The following RAD51B variants were observed in gnomAD, a reference collection of about 807,000 sequenced individuals.
RAD51B encodes RAD51 paralog B, also known as DNA repair protein RAD51 homolog 2.
In RAD51B, 38 loss-of-function variants were observed where a neutral mutation model predicts 42.2. That is an observed-to-expected ratio of 0.90 (90% CI 0.70 to 1.18). The LOEUF (loss-of-function observed/expected upper bound fraction) is 1.18, where lower values mean the gene tolerates loss of function less well. Ranked by LOEUF, RAD51B falls within the 50% of genes most tolerant of loss-of-function variation. RAD51B has a pLI of 0.00. For synonymous variants in RAD51B, 154 were observed against 145.2 expected, an observed-to-expected ratio of 1.06 and a Z score of -0.43; for missense variants, 373 against 400.7, an observed-to-expected ratio of 0.93 and a Z score of 0.59.
chr14:68,444,462 G>A (rs2085375988), intron 9 of RAD51B, among the ~76,000 whole-genome samples: 1 of 142,386 alleles, frequency 7.0e-6, no homozygotes. Context: ...GTGTGTGTGT[G>A]TGTGTGTGTT....
At chr14:68,284,685 C>T (rs1201202721) in intron 7 of RAD51B, among the ~76,000 whole-genome samples, 1 of 152,084 alleles carries the variant, frequency 6.6e-6, no homozygotes, top group Admixed American at 6.5e-5. Context: ...ATATTGAAAC[C>T]TTATCAGCTT....
At chr14:68,678,221 A>G (rs1213850546) in intron 11 of RAD51B, among the ~76,000 whole-genome samples, 1 of 152,134 alleles carries the variant, frequency 6.6e-6, no homozygotes, top group Non-Finnish European at 1.5e-5. Flanking sequence ...CGGCTGGTCC[A>G]TGGCCCATCC....
intron 7 of RAD51B, among the ~76,000 whole-genome samples, chr14:68,241,372 C>T (rs1249001145): frequency 6.6e-6 from 1 of 152,126 alleles, no homozygotes; most frequent in Admixed American, 6.5e-5. Context: ...GGAACACCAT[C>T]TCTACTAAAA....
At chr14:67,865,242 T>TC in intron 5 of RAD51B, 103 bp downstream of exon 5, 1 of 266,500 alleles carries the variant, frequency 3.8e-6, no homozygotes, top group Non-Finnish European at 5.8e-6. Flanking sequence ...CCCCCTTGCC[T>TC]TTTTTTTTTT....
At chr14:68,594,680 C>T in exon 11 of RAD51B, 1 of 1,279,090 alleles carries the variant, frequency 7.8e-7, no homozygotes, top group South Asian at 1.4e-5. Flanking sequence ...CCACCCACCT[C>T]AGCCTCCCAA....
chr14:68,265,621 A>G (rs2080975806), intron 7 of RAD51B, among the ~76,000 whole-genome samples: 1 of 152,040 alleles, frequency 6.6e-6, no homozygotes, highest in Non-Finnish European at 1.5e-5. Context: ...GCGTGGTGGC[A>G]TGTGCCTGTA....
intron 7 of RAD51B, among the ~76,000 whole-genome samples, chr14:67,926,276 C>G (rs572837930): frequency 1.2e-4 from 18 of 152,304 alleles, no homozygotes; most frequent in African/African-American, 3.6e-4. Flanking sequence ...GAATACTTTG[C>G]TGCTTAGAAA....
At chr14:68,557,154 T>C (rs571811835) in intron 10 of RAD51B, among the ~76,000 whole-genome samples, 1 of 152,300 alleles carries the variant, frequency 6.6e-6, no homozygotes, top group East Asian at 1.9e-4. Context: ...TGTACATGGG[T>C]TAGCTGTTGC....
At chr14:68,077,477 A>G (rs2076851784) in intron 7 of RAD51B, among the ~76,000 whole-genome samples, 1 of 152,220 alleles carries the variant, frequency 6.6e-6, no homozygotes, top group African/African-American at 2.4e-5. Context: ...AACTTTTGAA[A>G]AAGTTTCAAG....
At chr14:68,210,816 G>A (rs1192090651) in intron 7 of RAD51B, among the ~76,000 whole-genome samples, 3 of 152,116 alleles carry the variant, frequency 2.0e-5, no homozygotes, top group Non-Finnish European at 4.4e-5. Flanking sequence ...CTCCCCAGCT[G>A]TTCACGATAT....
chr14:68,611,357 A>G, exon 11 of RAD51B: 1 of 652,076 alleles, frequency 1.5e-6, no homozygotes, highest in Non-Finnish European at 2.8e-6. Flanking sequence ...CCCTTTCAGC[A>G]AAGGATGTCA....
intron 7 of RAD51B, among the ~76,000 whole-genome samples, chr14:68,246,497 G>A (rs2080502810): frequency 6.6e-6 from 1 of 152,140 alleles, no homozygotes; most frequent in Admixed American, 6.6e-5. Context: ...TTAAGAAAAG[G>A]GGGCTTCCAT....
intron 7 of RAD51B, among the ~76,000 whole-genome samples, chr14:68,240,161 T>A (rs1566751718): frequency 6.6e-6 from 1 of 152,158 alleles, no homozygotes; most frequent in Non-Finnish European, 1.5e-5. Flanking sequence ...CTGCCTTGGA[T>A]CTCTAGTTTT....
intron 7 of RAD51B, among the ~76,000 whole-genome samples, chr14:67,982,202 T>C (rs748474821): frequency 5.9e-5 from 9 of 152,168 alleles, no homozygotes; most frequent in Non-Finnish European, 1.0e-4. Context: ...CCCAAAGTGC[T>C]GCGATTACAG....
intron 7 of RAD51B, among the ~76,000 whole-genome samples, chr14:67,893,754 G>C (rs1566945685): frequency 6.6e-6 from 1 of 152,130 alleles, no homozygotes; most frequent in Non-Finnish European, 1.5e-5. Context: ...GCTCTGGGTA[G>C]TCATAAAGAA....
intron 7 of RAD51B, among the ~76,000 whole-genome samples, chr14:68,210,854 C>T (rs1377942123): frequency 2.0e-5 from 3 of 152,120 alleles, no homozygotes; most frequent in African/African-American, 7.2e-5. Context: ...AAGTAGGTCA[C>T]TTCACCAAAC....
intron 7 of RAD51B, among the ~76,000 whole-genome samples, chr14:68,091,029 A>G (rs1242732744): frequency 4.0e-5 from 6 of 151,504 alleles, no homozygotes; most frequent in Non-Finnish European, 8.8e-5. Context: ...AAGGACATGA[A>G]CTCATCATTT....
intron 7 of RAD51B, among the ~76,000 whole-genome samples, chr14:68,092,386 T>C (rs1322493461): frequency 6.6e-6 from 1 of 152,194 alleles, no homozygotes; most frequent in East Asian, 1.9e-4. Flanking sequence ...GAGCAGTGGT[T>C]TGTAGTTCTC....
intron 7 of RAD51B, among the ~76,000 whole-genome samples, chr14:68,130,436 A>G (rs978935041): frequency 2.6e-5 from 4 of 152,230 alleles, no homozygotes; most frequent in African/African-American, 7.2e-5. Context: ...CACCAAGATG[A>G]AAACCAATGT....
Sources: allele counts gnomAD v4.1 joint callset (sites outside exome capture counted in the v4.1 genomes callset), GRCh38; gene constraint gnomAD v4.1.1; transcripts MANE v1.5; gene names NCBI Gene and HGNC (gene_info 2026-07-23, HGNC 2026-07-21).